The following AFG2A variants were observed in gnomAD, a reference collection of about 807,000 sequenced individuals.
AFG2A encodes ATPase family gene 2 protein homolog A.
At chr4:123,032,210 T>C in the AFG2A span, among the ~76,000 whole-genome samples, 2 of 152,300 alleles carry the variant, frequency 1.3e-5, no homozygotes, top group East Asian at 3.9e-4. Context: ...TTCTCTATAC[T>C]TGTCTCAGAG....
At chr4:123,197,131 G>A in the AFG2A span, among the ~76,000 whole-genome samples, 94 of 152,222 alleles carry the variant, frequency 6.2e-4, 1 homozygote, top group East Asian at 6.0e-3. Context: ...CCCTACCTAA[G>A]TTTACGGTAA....
chr4:123,138,381 G>C, the AFG2A span, among the ~76,000 whole-genome samples: 1 of 147,856 alleles, frequency 6.8e-6, no homozygotes, highest in South Asian at 2.1e-4. Context: ...CTCTAAGTAT[G>C]TATGACTTCT....
chr4:122,981,927 A>T, the AFG2A span, among the ~76,000 whole-genome samples: 3 of 150,818 alleles, frequency 2.0e-5, no homozygotes, highest in African/African-American at 7.3e-5. Flanking sequence ...GGTTTCCTTT[A>T]TATAAGATTA....
the AFG2A span, among the ~76,000 whole-genome samples, chr4:123,007,608 G>GTGTGTGTGTGTATATA: frequency 5.5e-5 from 1 of 18,142 alleles, no homozygotes; most frequent in African/African-American, 1.8e-4. Flanking sequence ...GTGTGTGTGT[G>GTGTGTGTGTGTATATA]TATATATATA....
the AFG2A span, among the ~76,000 whole-genome samples, chr4:123,040,042 ATTG>A: frequency 1.4e-4 from 21 of 152,020 alleles, no homozygotes; most frequent in South Asian, 2.1e-4. Flanking sequence ...TTTTATTTTT[ATTG>A]TTGTTATAAA....
the AFG2A span, among the ~76,000 whole-genome samples, chr4:123,228,401 G>C: frequency 5.9e-4 from 90 of 151,360 alleles, 2 homozygotes; most frequent in East Asian, 0.016. Context: ...ATTTATTAAA[G>C]AGGAAAATCT....
chr4:123,295,116 C>T, the AFG2A span, among the ~76,000 whole-genome samples: 1 of 152,182 alleles, frequency 6.6e-6, no homozygotes, highest in Non-Finnish European at 1.5e-5. Context: ...AGAGTATCAG[C>T]AGCAGTGGTG....
At chr4:122,946,384 AT>A in the AFG2A span, among the ~76,000 whole-genome samples, 1 of 152,352 alleles carries the variant, frequency 6.6e-6, no homozygotes, top group South Asian at 2.1e-4. Flanking sequence ...GAAACATGTG[AT>A]ACTGATGTTT....
chr4:123,221,113 A>G, the AFG2A span, among the ~76,000 whole-genome samples: 1 of 152,106 alleles, frequency 6.6e-6, no homozygotes, highest in South Asian at 2.1e-4. Flanking sequence ...CTTTTCCAGC[A>G]CCTGAAGTGG....
the AFG2A span, among the ~76,000 whole-genome samples, chr4:122,970,840 A>C: frequency 6.7e-6 from 1 of 149,280 alleles, no homozygotes; most frequent in African/African-American, 2.5e-5. Flanking sequence ...AAGTAAAAAA[A>C]AATTTTTTTT....
At chr4:122,943,743 C>A in the AFG2A span, among the ~76,000 whole-genome samples, 1 of 152,320 alleles carries the variant, frequency 6.6e-6, no homozygotes, top group African/African-American at 2.4e-5. Flanking sequence ...ATGGTCTTTA[C>A]ATTTTGGCAT....
chr4:123,186,331 C>T, the AFG2A span, among the ~76,000 whole-genome samples: 1 of 152,050 alleles, frequency 6.6e-6, no homozygotes, highest in African/African-American at 2.4e-5. Flanking sequence ...ATTAGAATCC[C>T]AGCAATGGAA....
At chr4:123,011,583 T>A in the AFG2A span, among the ~76,000 whole-genome samples, 1 of 152,198 alleles carries the variant, frequency 6.6e-6, no homozygotes, top group Non-Finnish European at 1.5e-5. Context: ...TGACAAGAAT[T>A]ATCTAGATCT....
chr4:123,191,101 T>C, the AFG2A span, among the ~76,000 whole-genome samples: 1 of 152,144 alleles, frequency 6.6e-6, no homozygotes, highest in Non-Finnish European at 1.5e-5. Context: ...GGCAGGGTAA[T>C]TCTGATATGT....
chr4:123,036,564 A>T, the AFG2A span, among the ~76,000 whole-genome samples: 1 of 152,158 alleles, frequency 6.6e-6, no homozygotes, highest in Non-Finnish European at 1.5e-5. Context: ...TTCTGCAGAC[A>T]AGTCAGCAAA....
the AFG2A span, among the ~76,000 whole-genome samples, chr4:123,237,517 A>G: frequency 1.3e-5 from 2 of 152,020 alleles, no homozygotes; most frequent in African/African-American, 4.8e-5. Flanking sequence ...TACTAAAAGT[A>G]CAAAAATTAG....
the AFG2A span, among the ~76,000 whole-genome samples, chr4:123,082,037 T>C: frequency 6.6e-6 from 1 of 152,206 alleles, no homozygotes; most frequent in African/African-American, 2.4e-5. Context: ...ACAGTCTTTA[T>C]CACATGTGTC....
chr4:123,152,920 C>T, the AFG2A span, among the ~76,000 whole-genome samples: 1,066 of 152,292 alleles, frequency 7.0e-3, 7 homozygotes, highest in African/African-American at 0.023. Context: ...TCTTTAACAG[C>T]GGTTATAATA....
the AFG2A span, chr4:123,028,418 C>T: frequency 1.2e-5 from 19 of 1,602,546 alleles, no homozygotes; most frequent in African/African-American, 8.0e-5. Flanking sequence ...ATTTTTTAAT[C>T]GCTACTCTCT....
Sources: gnomAD v4.1 joint callset for allele counts (sites outside exome capture counted in the v4.1 genomes callset) on GRCh38, gnomAD v4.1.1 for gene constraint, MANE v1.5 for transcripts, NCBI Gene and HGNC (gene_info 2026-07-23, HGNC 2026-07-21) for gene names.